The following DDAH1 variants were observed in gnomAD, a reference collection of about 807,000 sequenced individuals.
The protein encoded by DDAH1 is dimethylarginine dimethylaminohydrolase 1.
A neutral mutation model predicts 28.8 loss-of-function variants in DDAH1; 19 were observed. That is an observed-to-expected ratio of 0.66 (90% CI 0.46 to 0.97). The LOEUF (loss-of-function observed/expected upper bound fraction) is 0.97. Ranked by LOEUF, DDAH1 falls within the 50% of genes least tolerant of loss-of-function variation. DDAH1 has a pLI of 0.00. For synonymous variants in DDAH1, 153 were observed against 154.4 expected, an observed-to-expected ratio of 0.99 and a Z score of 0.07; for missense variants, 326 against 375.9, an observed-to-expected ratio of 0.87 and a Z score of 1.10.
intron 1 of DDAH1, among the ~76,000 whole-genome samples, chr1:85,405,073 T>C (rs1652343131): frequency 6.6e-6 from 1 of 152,198 alleles, no homozygotes; most frequent in African/African-American, 2.4e-5. Context: ...CACTGTTGAG[T>C]TGTATGAGGC....
At position 85,325,029 on chromosome 1, in the gene DDAH1, T is replaced by G. The variant is rs1352761737; in HGVS notation, c.598-146A>C. Reference sequence around the variant, plus strand: ...TTCCCATCTATTACCTCCAGTCACTTAGAACCAGAAAAGGAAAACTTGATT... The same window carrying G: ...TTCCCATCTATTACCTCCAGTCACTGAGAACCAGAAAAGGAAAACTTGATT... On this transcript the variant is annotated intron_variant, in intron 4 of 5. Transcript: ENST00000284031. The G allele has an allele frequency of 2.2e-6, 2 of 894,702 alleles. No individual in the cohort carries two copies. The highest frequency in any genetic ancestry group is 1.7e-5 in the African/African-American group (1 of 59,740). The allele number at this position is 894,702 out of a possible 1,614,324, so 55.4% of individuals were successfully genotyped here. A position where few individuals can be genotyped will look rare whatever the true frequency, so the allele number is the denominator to read the frequency against.
At chr1:85,519,974 T>TTATG (rs1416152535) in intron 1 of DDAH1, among the ~76,000 whole-genome samples, 12 of 138,050 alleles carry the variant, frequency 8.7e-5, no homozygotes, top group Non-Finnish European at 9.6e-5. Flanking sequence ...TTTTTCCCCT[T>TTATG]TATTTATTTA....
upstream of DDAH1, chr1:85,467,321 A>G (rs1427638131): frequency 6.6e-6 from 1 of 151,816 alleles, no homozygotes; most frequent in East Asian, 1.9e-4. Flanking sequence ...TTCACCTACC[A>G]CTCAGTGCCC....
chr1:85,342,012 A>G (rs233072), intron 4 of DDAH1, among the ~76,000 whole-genome samples: 56,103 of 151,948 alleles, frequency 0.37, 10,470 homozygotes, highest in South Asian at 0.42. Flanking sequence ...TTTAAGACAC[A>G]GCATTTCACC....
intron 2 of DDAH1, among the ~76,000 whole-genome samples, chr1:85,491,015 C>T (rs1437590647): frequency 6.6e-6 from 1 of 150,652 alleles, no homozygotes; most frequent in Non-Finnish European, 1.5e-5. Context: ...ATACACTTCC[C>T]TCTCTTCTAA....
At chr1:85,403,624 T>C (rs1006401798) in intron 1 of DDAH1, among the ~76,000 whole-genome samples, 1 of 152,206 alleles carries the variant, frequency 6.6e-6, no homozygotes, top group Non-Finnish European at 1.5e-5. Flanking sequence ...AACAAAGGAT[T>C]CTTAAGGCTG....
At chr1:85,357,624 C>T (rs918946425) in intron 2 of DDAH1, among the ~76,000 whole-genome samples, 1 of 152,218 alleles carries the variant, frequency 6.6e-6, no homozygotes, top group Non-Finnish European at 1.5e-5. Context: ...TTCACGCTTT[C>T]AGTGGGCCAC....
At chr1:85,474,566 C>A (rs1403951) in intron 2 of DDAH1, among the ~76,000 whole-genome samples, 75,151 of 151,924 alleles carry the variant, frequency 0.49, 18,536 homozygotes, top group South Asian at 0.56. Context: ...TTCAAGAAGA[C>A]TTCCCTGGGT....
chr1:85,428,898 G>A (rs1470000224), intron 1 of DDAH1, among the ~76,000 whole-genome samples: 5 of 152,132 alleles, frequency 3.3e-5, no homozygotes. Context: ...ATGGCCAGAG[G>A]AAGCAACATG....
At chr1:85,488,832 G>C (rs927209120) in intron 2 of DDAH1, among the ~76,000 whole-genome samples, 3 of 152,124 alleles carry the variant, frequency 2.0e-5, no homozygotes, top group African/African-American at 7.2e-5. Flanking sequence ...CTGATGACTG[G>C]TGAAAAAGTA....
chr1:85,358,398 C>T (rs1039075655), intron 2 of DDAH1, among the ~76,000 whole-genome samples: 3 of 152,148 alleles, frequency 2.0e-5, no homozygotes, highest in Non-Finnish European at 4.4e-5. Flanking sequence ...GATAGTAATC[C>T]CAGTATTTTG....
At chr1:85,429,008 A>T (rs1334254667) in intron 1 of DDAH1, among the ~76,000 whole-genome samples, 1 of 151,758 alleles carries the variant, frequency 6.6e-6, no homozygotes, top group Non-Finnish European at 1.5e-5. Flanking sequence ...GAGGCTTTTT[A>T]TTTATTTTTT....
intron 4 of DDAH1, among the ~76,000 whole-genome samples, chr1:85,327,162 A>G (rs1647457988): frequency 6.6e-6 from 1 of 152,178 alleles, no homozygotes; most frequent in Non-Finnish European, 1.5e-5. Context: ...CCTGGGCAAC[A>G]TGGCGAAACC....
chr1:85,423,412 T>C (rs548607849), intron 1 of DDAH1, among the ~76,000 whole-genome samples: 4 of 152,320 alleles, frequency 2.6e-5, no homozygotes, highest in African/African-American at 7.2e-5. Context: ...AGGAACTGGA[T>C]TTCTTTCATC....
intron 2 of DDAH1, among the ~76,000 whole-genome samples, chr1:85,353,082 C>T (rs1282101537): frequency 6.6e-6 from 1 of 152,076 alleles, no homozygotes; most frequent in Admixed American, 6.5e-5. Flanking sequence ...TCAAAAGATA[C>T]CTATGTACAA....
At chr1:85,446,239 A>G (rs1231242106) in intron 1 of DDAH1, among the ~76,000 whole-genome samples, 1 of 152,162 alleles carries the variant, frequency 6.6e-6, no homozygotes, top group African/African-American at 2.4e-5. Flanking sequence ...GAAACTTACG[A>G]TCATGGCAGA....
intron 4 of DDAH1, among the ~76,000 whole-genome samples, chr1:85,330,155 G>T (rs1291996626): frequency 6.6e-6 from 1 of 152,236 alleles, no homozygotes; most frequent in East Asian, 1.9e-4. Flanking sequence ...TGCAGAGAAA[G>T]ATGCAGGAAG....
intron 2 of DDAH1, among the ~76,000 whole-genome samples, chr1:85,477,340 AG>A (rs965803363): frequency 6.6e-5 from 10 of 152,272 alleles, no homozygotes; most frequent in Non-Finnish European, 1.5e-5. Context: ...CCCCAATGAC[AG>A]GGGGCCTGTC....
chr1:85,544,845 C>T (rs894787843), intron 1 of DDAH1, among the ~76,000 whole-genome samples: 3 of 152,126 alleles, frequency 2.0e-5, no homozygotes, highest in Non-Finnish European at 1.5e-5. Flanking sequence ...GAATTTGGCT[C>T]TAGAGGAGTC....
Sources: allele counts gnomAD v4.1 joint callset (sites outside exome capture counted in the v4.1 genomes callset), GRCh38; gene constraint gnomAD v4.1.1; transcripts MANE v1.5; gene names NCBI Gene and HGNC (gene_info 2026-07-23, HGNC 2026-07-21).